The following EVA1C variants were observed in gnomAD, a reference collection of about 807,000 sequenced individuals.
EVA1C encodes the protein eva-1 homolog C, also known as protein eva-1 homolog C.
EVA1C carries 25 observed loss-of-function variants against 45.4 expected under a neutral mutation model. The observed-to-expected ratio is 0.55, with a 90% CI of 0.40 to 0.77. The LOEUF (loss-of-function observed/expected upper bound fraction) is 0.77. EVA1C is among the 30% of genes least tolerant of loss of function. The probability of loss-of-function intolerance (pLI) is 0.00; values close to 1 mark genes in which losing one functional copy is unlikely to be tolerated. For missense variants in EVA1C, 479 were observed against 554.8 expected (o/e 0.86, Z 1.37); for synonymous variants, 190 against 221.2 (o/e 0.86, Z 1.25).
intron 1 of EVA1C, among the ~76,000 whole-genome samples, chr21:32,431,683 G>A (rs902597944): frequency 2.4e-4 from 36 of 152,256 alleles, no homozygotes; most frequent in East Asian, 7.7e-4. Flanking sequence ...ACACAGAAGC[G>A]TTGCAAGAAT....
chr21:32,492,171 G>A (rs969614349), intron 4 of EVA1C, among the ~76,000 whole-genome samples: 7 of 152,178 alleles, frequency 4.6e-5, no homozygotes, highest in Admixed American at 4.6e-4. Flanking sequence ...AGACCACCAG[G>A]GTGATGAGCA....
chr21:32,467,905 A>ATTATAT, intron 4 of EVA1C, 57 bp downstream of exon 4: 1 of 1,025,030 alleles, frequency 9.8e-7, no homozygotes, highest in Non-Finnish European at 1.3e-6. Flanking sequence ...GAATTAATAG[A>ATTATAT]ATATATATAT....
At chr21:32,512,423 C>T (rs978369709) in intron 7 of EVA1C, among the ~76,000 whole-genome samples, 1 of 152,212 alleles carries the variant, frequency 6.6e-6, no homozygotes, top group African/African-American at 2.4e-5. Flanking sequence ...CTACTCCCTT[C>T]TTGGAACCTG....
intron 1 of EVA1C, among the ~76,000 whole-genome samples, chr21:32,416,227 T>C (rs1007819675): frequency 4.0e-5 from 6 of 151,676 alleles, no homozygotes; most frequent in East Asian, 1.9e-4. Context: ...TGTGTGTGTG[T>C]GCTTCTAATT....
chr21:32,449,627 G>T (rs1332599379), intron 1 of EVA1C, among the ~76,000 whole-genome samples: 1,981 of 142,884 alleles, frequency 0.014, 50 homozygotes, highest in African/African-American at 0.046. Context: ...TTTTTGTTTT[G>T]TTTTTTTTTT....
intron 1 of EVA1C, among the ~76,000 whole-genome samples, chr21:32,439,746 G>A (rs1415650299): frequency 6.6e-6 from 1 of 152,036 alleles, no homozygotes; most frequent in Admixed American, 6.6e-5. Context: ...AGCATGTTTG[G>A]TCAAGTGTAC....
intron 1 of EVA1C, among the ~76,000 whole-genome samples, chr21:32,450,365 C>T (rs1469612428): frequency 6.8e-6 from 1 of 147,412 alleles, no homozygotes; most frequent in Non-Finnish European, 1.5e-5. Context: ...TGTGGCTCTG[C>T]TTCTCTGGAG....
chr21:32,458,773 G>A (rs9984457), intron 3 of EVA1C, among the ~76,000 whole-genome samples: 5 of 151,922 alleles, frequency 3.3e-5, no homozygotes, highest in East Asian at 1.9e-4. Flanking sequence ...GAGCCACCAC[G>A]CCTGGTCGAG....
rs1217290189 is a variant in EVA1C at position 32,495,020 on chromosome 21, C to T, written c.635-7C>T. ...ACCTGAAGTTCTGGGTGTTTCCTGCCTTTCAGATTGCTTGTCTTACTCAGC... is the reference window on the plus strand; with the variant it reads ...ACCTGAAGTTCTGGGTGTTTCCTGCTTTTCAGATTGCTTGTCTTACTCAGC... On this transcript the variant is annotated splice_region_variant and splice_polypyrimidine_tract_variant and intron_variant, in intron 4 of 7. Coordinates refer to ENST00000300255, the MANE Select transcript of EVA1C (RefSeq NM_058187.5). The T allele has an allele frequency of 6.2e-7, 1 of 1,613,402 alleles. No individual in the cohort carries two copies. The highest frequency in any genetic ancestry group is 8.5e-7 in the Non-Finnish European group (1 of 1,179,624).
At chr21:32,487,593 C>T (rs1031136389) in intron 4 of EVA1C, among the ~76,000 whole-genome samples, 7 of 151,938 alleles carry the variant, frequency 4.6e-5, no homozygotes, top group Admixed American at 1.3e-4. Flanking sequence ...TGGTGGCAGG[C>T]GCCTGTAATC....
chr21:32,441,662 C>T (rs777850010), intron 1 of EVA1C, among the ~76,000 whole-genome samples: 1 of 151,978 alleles, frequency 6.6e-6, no homozygotes, highest in East Asian at 1.9e-4. Flanking sequence ...CATATAAATA[C>T]ACAAGTGGAC....
intron 3 of EVA1C, among the ~76,000 whole-genome samples, chr21:32,461,759 C>T (rs570104588): frequency 3.3e-5 from 5 of 152,224 alleles, no homozygotes; most frequent in Admixed American, 6.5e-5. Flanking sequence ...CTCACCGGAA[C>T]CTTCTTTTCC....
chr21:32,457,732 C>T lies in EVA1C; in HGVS notation c.481+12C>T, dbSNP rs376782529. Reference sequence around the variant, plus strand: ...TAAATGCCAACCTAGTAAGTAACTTCGGAGGGGGACAGTGTGTTTGGGGTG... The same window carrying T: ...TAAATGCCAACCTAGTAAGTAACTTTGGAGGGGGACAGTGTGTTTGGGGTG... On this transcript the variant is annotated intron_variant, in intron 3 of 7. Coordinates refer to ENST00000300255, the MANE Select transcript of EVA1C (RefSeq NM_058187.5). 1.6e-5 allele frequency: 26 copies of T among 1,613,900 alleles called. No homozygotes were observed. Among genetic ancestry groups the T allele is most frequent in the Middle Eastern group, 1.6e-4 (1 of 6,084 alleles).
At chr21:32,423,858 A>T (rs1422867300) in intron 1 of EVA1C, among the ~76,000 whole-genome samples, 3 of 152,178 alleles carry the variant, frequency 2.0e-5, no homozygotes, top group African/African-American at 7.2e-5. Flanking sequence ...TCTGAAATGT[A>T]TGTTTGTGAA....
chr21:32,432,427 C>G (rs1337694545), intron 1 of EVA1C, among the ~76,000 whole-genome samples: 1 of 152,098 alleles, frequency 6.6e-6, no homozygotes, highest in African/African-American at 2.4e-5. Context: ...AAGGAAGGCT[C>G]TGGAACCTGG....
intron 1 of EVA1C, among the ~76,000 whole-genome samples, chr21:32,450,784 G>T (rs193163958): frequency 1.3e-4 from 20 of 152,246 alleles, no homozygotes; most frequent in East Asian, 5.8e-4. Context: ...CCACTGAGGG[G>T]TCTTGGCCTG....
At chr21:32,502,600 A>G (rs1336386463) in intron 6 of EVA1C, among the ~76,000 whole-genome samples, 2 of 152,052 alleles carry the variant, frequency 1.3e-5, no homozygotes, top group Non-Finnish European at 2.9e-5. Context: ...TATTATATGT[A>G]TTAGGTCTTT....
At chr21:32,415,437 T>C (rs537919788) in intron 1 of EVA1C, among the ~76,000 whole-genome samples, 7 of 152,242 alleles carry the variant, frequency 4.6e-5, no homozygotes, top group East Asian at 3.9e-4. Flanking sequence ...TCCCAGCCAT[T>C]GTCTGTACAA....
chr21:32,413,658 ATCGT>A (rs2033921115), intron 1 of EVA1C, among the ~76,000 whole-genome samples: 1 of 152,226 alleles, frequency 6.6e-6, no homozygotes, highest in Non-Finnish European at 1.5e-5. Flanking sequence ...CTTTTTGGGA[ATCGT>A]GATCCAGGCT....
Sources: allele counts gnomAD v4.1 joint callset (sites outside exome capture counted in the v4.1 genomes callset), GRCh38; gene constraint gnomAD v4.1.1; transcripts MANE v1.5; gene names NCBI Gene and HGNC (gene_info 2026-07-23, HGNC 2026-07-21).